The following ABCG2 variants were observed in gnomAD, a reference collection of about 807,000 sequenced individuals.
ABCG2 encodes ATP binding cassette subfamily G member 2 (JR blood group).
In ABCG2, 80 loss-of-function variants were observed where a neutral mutation model predicts 73.5. The observed-to-expected ratio is 1.09, with a 90% CI of 0.91 to 1.31. The LOEUF (loss-of-function observed/expected upper bound fraction) is 1.31, where lower values mean the gene tolerates loss of function less well. Among genes scored for constraint, ABCG2 ranks in the 50% most tolerant of loss-of-function variants. The pLI, the probability that ABCG2 is intolerant of heterozygous loss-of-function variation, is 0.00. For synonymous variants in ABCG2, 269 were observed against 282.4 expected (o/e 0.95, Z 0.48); for missense variants, 796 against 786.2 (o/e 1.01, Z -0.15).
At chr4:88,112,461 C>T (rs1723204252) in intron 9 of ABCG2, among the ~76,000 whole-genome samples, 2 of 152,150 alleles carry the variant, frequency 1.3e-5, no homozygotes, top group African/African-American at 4.8e-5. Flanking sequence ...CTTTCTCCAC[C>T]CCTTCTCTGC....
At chr4:88,185,231 G>A (rs939619596) in intron 1 of ABCG2, among the ~76,000 whole-genome samples, 2 of 152,162 alleles carry the variant, frequency 1.3e-5, no homozygotes, top group Non-Finnish European at 2.9e-5. Flanking sequence ...GGGCGTGGTT[G>A]TGGGCACCTG....
At chr4:88,128,457 A>G (rs1397380083) in intron 5 of ABCG2, among the ~76,000 whole-genome samples, 1 of 152,224 alleles carries the variant, frequency 6.6e-6, no homozygotes, top group African/African-American at 2.4e-5. Context: ...ATTCTACTAT[A>G]AAGACACATG....
Position 88,130,540 on chromosome 4 carries a change from C to T in ABCG2, c.531+521G>A, listed in dbSNP as rs531165943. Among the ~76,000 whole-genome samples the T allele has an allele frequency of 1.5e-4, 23 of 152,070 alleles. No individual in the cohort carries two copies. In the South Asian group the frequency reaches 4.4e-3, roughly 29 times the overall value. On this transcript the variant is annotated intron_variant, in intron 5 of 15. Coordinates refer to ENST00000237612, the MANE Select transcript of ABCG2 (RefSeq NM_004827.3). ...TGCACTTGAATTATCCCAAAACCAT[C>T]CCCCCTACCCTGGTCCATAGAAAAA... is the stretch of plus-strand genomic sequence containing the variant.
intron 1 of ABCG2, among the ~76,000 whole-genome samples, chr4:88,196,718 G>A (rs1338038421): frequency 3.3e-5 from 5 of 150,160 alleles, no homozygotes; most frequent in Admixed American, 2.7e-4. Flanking sequence ...CTAGCATACC[G>A]AAAAGATCAT....
intron 1 of ABCG2, among the ~76,000 whole-genome samples, chr4:88,178,512 G>A (rs149492528): frequency 2.6e-5 from 4 of 152,234 alleles, no homozygotes; most frequent in Admixed American, 2.6e-4. Context: ...ATGGGGAGGG[G>A]CTACTTCTGC....
Position 88,118,190 on chromosome 4 carries a change from C to G in ABCG2, c.760G>C (p.Asp254His), listed in dbSNP as rs759124880. ...CCTGAGGCCAATAAGGTGAGGCTAT[C>G]AAACAACTTGAAGATGGAATATCGA... ...QPRYSIFKLFDSLTLLASGRL... is the reference protein window; with the variant it reads ...QPRYSIFKLFHSLTLLASGRL... Residue 254 changes from aspartate (D) to histidine (H), a missense_variant, in exon 7 of 16, where the codon GAT becomes CAT. Asp to His is a moderately conservative substitution (Grantham distance 81). Transcript: ENST00000237612. 1 of 1,614,142 alleles carries G rather than the reference C, an allele frequency of 6.2e-7. No homozygotes were observed. Among genetic ancestry groups the G allele is most frequent in the South Asian group, 1.1e-5 (1 of 91,076 alleles).
At chr4:88,101,413 A>G in intron 10 of ABCG2, 94 bp from the exon 11 acceptor site, 2 of 1,148,526 alleles carry the variant, frequency 1.7e-6, no homozygotes, top group Non-Finnish European at 2.6e-6. Context: ...ATGACAGTGT[A>G]TAAAGTTAAG....
intron 1 of ABCG2, among the ~76,000 whole-genome samples, chr4:88,170,985 G>A (rs540730140): frequency 3.4e-4 from 52 of 152,210 alleles, no homozygotes; most frequent in African/African-American, 3.1e-4. Context: ...GGATGGAGCC[G>A]GAGACTATTA....
intron 2 of ABCG2, among the ~76,000 whole-genome samples, chr4:88,139,439 G>A (rs903391127): frequency 7.9e-5 from 12 of 152,078 alleles, no homozygotes; most frequent in Admixed American, 6.5e-4. Context: ...ATTTTCAGTA[G>A]AGACAGGGTT....
chr4:88,148,790 C>G (rs920745402), intron 1 of ABCG2, among the ~76,000 whole-genome samples: 2 of 152,076 alleles, frequency 1.3e-5, no homozygotes, highest in Non-Finnish European at 2.9e-5. Flanking sequence ...TTTAAGAGCA[C>G]AGTTTTCTGA....
intron 1 of ABCG2, among the ~76,000 whole-genome samples, chr4:88,183,677 A>T (rs1412554583): frequency 6.6e-6 from 1 of 152,284 alleles, no homozygotes; most frequent in East Asian, 1.9e-4. Flanking sequence ...ATTCCAAAAA[A>T]TAGAGGAAGA....
Position 88,132,728 on chromosome 4 carries a change from A to G in ABCG2, c.204-93T>C, listed in dbSNP as rs138876482. On this transcript the variant is annotated intron_variant, in intron 2 of 15. Transcript: ENST00000237612. ...CACTGAATATACTCAATGAAGGTTG[A>G]TGAAATTACAAATAGAACACAAGCA... The G allele has an allele frequency of 1.1e-3, 1,512 of 1,367,012 alleles. 20 individuals carry two copies. The East Asian group carries it at 0.026, about 24-fold the overall frequency. The allele number at this position is 1,367,012 out of a possible 1,614,324, so 84.7% of individuals were successfully genotyped here. A position where few individuals can be genotyped will look rare whatever the true frequency, so the allele number is the denominator to read the frequency against.
intron 1 of ABCG2, among the ~76,000 whole-genome samples, chr4:88,166,029 C>T (rs981058062): frequency 6.6e-6 from 1 of 152,268 alleles, no homozygotes; most frequent in East Asian, 1.9e-4. Flanking sequence ...CCACAAGGCC[C>T]CAAGGAAATG....
Position 88,091,438 on chromosome 4 carries a change from A to T in ABCG2, c.*796T>A, listed in dbSNP as rs557958071. On this transcript the variant is annotated 3_prime_UTR_variant, in exon 16 of 16. Transcript: ENST00000237612. ...TGGTCAGATTCCTTTATGAAGGTAG[A>T]TCTGGAGCTACTTAGGCCAGATTTT... is the stretch of plus-strand genomic sequence containing the variant. 6.6e-6 allele frequency: 1 copy of T among 152,304 alleles called. No homozygotes were observed. Among genetic ancestry groups the T allele is most frequent in the African/African-American group, 2.4e-5 (1 of 41,560 alleles). The allele number at this position is 152,304 out of a possible 1,614,324, so 9.4% of individuals were successfully genotyped here.
intron 1 of ABCG2, among the ~76,000 whole-genome samples, chr4:88,164,406 AG>A (rs1306371071): frequency 6.6e-6 from 1 of 152,110 alleles, no homozygotes; most frequent in African/African-American, 2.4e-5. Flanking sequence ...GTGTTGCGGG[AG>A]GGACCTGGTG....
intron 1 of ABCG2, among the ~76,000 whole-genome samples, chr4:88,213,486 G>A (rs1368420379): frequency 6.6e-6 from 1 of 151,980 alleles, no homozygotes. Context: ...CTACCCTAGA[G>A]GAACTGCCCA....
intron 1 of ABCG2, among the ~76,000 whole-genome samples, chr4:88,199,448 A>G (rs1729066170): frequency 6.6e-6 from 1 of 152,210 alleles, no homozygotes; most frequent in Non-Finnish European, 1.5e-5. Flanking sequence ...TCTTCAATGA[A>G]GTCAGAGGGG....
chr4:88,116,071 T>TATAA (rs1028688586), intron 7 of ABCG2, among the ~76,000 whole-genome samples: 2 of 152,160 alleles, frequency 1.3e-5, no homozygotes, highest in African/African-American at 4.8e-5. Flanking sequence ...GGCTTATGAC[T>TATAA]ATAATCCCAG....
At chr4:88,170,747 T>C (rs542282369) in intron 1 of ABCG2, among the ~76,000 whole-genome samples, 2 of 152,374 alleles carry the variant, frequency 1.3e-5, no homozygotes, top group African/African-American at 4.8e-5. Flanking sequence ...TACCTCACTC[T>C]TGTTATTTTG....
Sources: allele counts gnomAD v4.1 joint callset (sites outside exome capture counted in the v4.1 genomes callset), GRCh38; gene constraint gnomAD v4.1.1; transcripts MANE v1.5; gene names NCBI Gene and HGNC (gene_info 2026-07-23, HGNC 2026-07-21).